CEP112: variants seen among roughly 807,000 people sequenced by gnomAD.
CEP112 encodes centrosomal protein of 112 kDa.
A neutral mutation model predicts 153.0 loss-of-function variants in CEP112; 127 were observed. That is an observed-to-expected ratio of 0.83 (90% confidence interval 0.72 to 0.96). The LOEUF (loss-of-function observed/expected upper bound fraction) is 0.96, where lower values mean the gene tolerates loss of function less well. CEP112 is among the 40% of genes least tolerant of loss of function. CEP112 has a pLI of 0.00. For synonymous variants in CEP112, 358 were observed against 374.4 expected (o/e 0.96, Z 0.51); for missense variants, 1,089 against 1,101.2 (o/e 0.99, Z 0.16).
chr17:66,003,787 T>C (rs1028370280), intron 17 of CEP112, among the ~76,000 whole-genome samples: 6 of 152,084 alleles, frequency 3.9e-5, no homozygotes, highest in Non-Finnish European at 8.8e-5. Context: ...GTGAACCCTA[T>C]TGTGAACTGT....
chr17:65,870,188 C>A (rs897669724), intron 20 of CEP112, among the ~76,000 whole-genome samples: 1 of 152,096 alleles, frequency 6.6e-6, no homozygotes, highest in African/African-American at 2.4e-5. Flanking sequence ...TATGAGTTCA[C>A]ATGAACTGGA....
Position 66,058,553 on chromosome 17 carries a change from A to G in CEP112, c.1074+4410T>C, listed in dbSNP as rs368895223. 6.6e-5 allele frequency among the ~76,000 whole-genome samples: 10 copies of G among 152,086 alleles called. No homozygotes were observed. In the East Asian group the frequency reaches 7.7e-4, roughly 12 times the overall value. ...GAGCCTGAATAGTTAAAGCAATCCT[A>G]AGCAAGAAGAATAAGTCAGGCATGG... is the stretch of plus-strand genomic sequence containing the variant. On this transcript the variant is annotated intron_variant, in intron 11 of 26. Transcript: ENST00000535342.
chr17:66,048,111 T>TAA (rs1568428788), intron 12 of CEP112, among the ~76,000 whole-genome samples: 1 of 151,688 alleles, frequency 6.6e-6, no homozygotes, highest in African/African-American at 2.4e-5. Flanking sequence ...TTTTTTTTTT[T>TAA]ATTTTTTTGA....
At chr17:65,998,066 C>A (rs1368673649) in intron 17 of CEP112, among the ~76,000 whole-genome samples, 2 of 151,966 alleles carry the variant, frequency 1.3e-5, no homozygotes, top group African/African-American at 4.8e-5. Flanking sequence ...CATGAGAGAT[C>A]TTTTTGGGGT....
rs146148790 is a variant in CEP112, at chr17:65,943,573, G to C, written c.1873-15884C>G. Among the ~76,000 whole-genome samples the C allele has an allele frequency of 2.6e-3, 398 of 152,276 alleles. 4 individuals are homozygous for C. Among genetic ancestry groups the C allele is most frequent in the African/African-American group, 8.8e-3 (366 of 41,566 alleles). On this transcript the variant is annotated intron_variant, in intron 18 of 26. Coordinates refer to ENST00000535342, the MANE Select transcript of CEP112 (RefSeq NM_001199165.4). ...CTGGCTTGTAGGGTTTCTGCTGAGA[G>C]GTCTACTGTTAGTCTGATGAGTTTC... is the stretch of plus-strand genomic sequence containing the variant.
In CEP112 at chr17:66,175,145, T is replaced by C. The variant is rs1396041606; in HGVS notation, c.369A>G (p.Val123=). ...GTTCACTTGTCTCCAGCTCACCCAG[T>C]ACCCAGGCTGGTAATCCCTCTGGGC... ...GSSPEGLPAW[V]LGELETSEHK... Residue 123 remains valine (V), a synonymous_variant, in exon 4 of 27, where the codon GTA becomes GTG. Transcript: ENST00000535342. The C allele has an allele frequency of 6.2e-7, 1 of 1,613,472 alleles. No homozygotes were observed. The highest frequency in any genetic ancestry group is 8.5e-7 in the Non-Finnish European group (1 of 1,179,670).
At chr17:66,047,025 T>G (rs1466751548) in intron 12 of CEP112, among the ~76,000 whole-genome samples, 1 of 152,212 alleles carries the variant, frequency 6.6e-6, no homozygotes, top group Non-Finnish European at 1.5e-5. Context: ...CGGTTTGTGG[T>G]CATTTGCCAC....
intron 25 of CEP112, among the ~76,000 whole-genome samples, chr17:65,640,174 G>T (rs1274433491): frequency 0.021 from 762 of 36,384 alleles, 1 homozygote; most frequent in Middle Eastern, 0.028. Flanking sequence ...TTTTTTTTTT[G>T]AGACAGTCTT....
At chr17:65,755,525 T>A (rs1833343) in intron 21 of CEP112, among the ~76,000 whole-genome samples, 81,878 of 151,686 alleles carry the variant, frequency 0.54, 22,828 homozygotes, top group East Asian at 0.78. Context: ...TGACATAGGT[T>A]TTAATAAGGC....
chr17:65,695,925 C>T (rs766795455), intron 23 of CEP112, among the ~76,000 whole-genome samples: 5 of 152,126 alleles, frequency 3.3e-5, no homozygotes, highest in South Asian at 2.1e-4. Context: ...ACTCTAAGTT[C>T]GTACTAGAGA....
intron 19 of CEP112, among the ~76,000 whole-genome samples, chr17:65,926,777 A>G (rs2060942318): frequency 6.6e-6 from 1 of 152,144 alleles, no homozygotes; most frequent in Non-Finnish European, 1.5e-5. Flanking sequence ...TAATTTGTAG[A>G]CTGATGACTC....
chr17:66,000,387 T>A (rs916124235), intron 17 of CEP112, among the ~76,000 whole-genome samples: 2 of 151,598 alleles, frequency 1.3e-5, no homozygotes, highest in African/African-American at 4.8e-5. Context: ...GGTTTTATTG[T>A]ATCATGAGGC....
intron 4 of CEP112, among the ~76,000 whole-genome samples, chr17:66,154,345 T>C (rs990378455): frequency 1.3e-5 from 2 of 150,646 alleles, no homozygotes; most frequent in African/African-American, 4.9e-5. Context: ...TGAAACCCCG[T>C]CTCTACTAAA....
chr17:66,024,909 T>G (rs1297498710), intron 16 of CEP112, among the ~76,000 whole-genome samples: 1 of 152,018 alleles, frequency 6.6e-6, no homozygotes, highest in African/African-American at 2.4e-5. Context: ...TACAAGGTTA[T>G]AGTAACTAAA....
intron 18 of CEP112, among the ~76,000 whole-genome samples, chr17:65,940,312 C>G (rs928566240): frequency 2.0e-5 from 3 of 152,122 alleles, no homozygotes; most frequent in African/African-American, 7.2e-5. Context: ...ATAACCACTA[C>G]AGAAAATGTA....
At chr17:65,702,980 G>C (rs2048716621) in intron 23 of CEP112, among the ~76,000 whole-genome samples, 1 of 152,058 alleles carries the variant, frequency 6.6e-6, no homozygotes, top group Non-Finnish European at 1.5e-5. Flanking sequence ...GTGAGATCTG[G>C]GTGGGGACAC....
intron 4 of CEP112, among the ~76,000 whole-genome samples, chr17:66,136,041 G>A (rs1021155618): frequency 1.3e-5 from 2 of 152,104 alleles, no homozygotes; most frequent in African/African-American, 4.8e-5. Flanking sequence ...CAGATGAGAG[G>A]CTCCTGTACT....
chr17:65,860,314 G>A (rs2058272628), intron 20 of CEP112, among the ~76,000 whole-genome samples: 1 of 152,108 alleles, frequency 6.6e-6, no homozygotes, highest in Admixed American at 6.6e-5. Flanking sequence ...AAATAACTAA[G>A]AGATATATCA....
intron 6 of CEP112, among the ~76,000 whole-genome samples, chr17:66,105,770 G>T (rs1176586342): frequency 6.6e-6 from 1 of 152,050 alleles, no homozygotes; most frequent in Admixed American, 6.6e-5. Context: ...TCCAGCCTGG[G>T]TAACAGAGCC....
Sources: allele counts gnomAD v4.1 joint callset (sites outside exome capture counted in the v4.1 genomes callset), GRCh38; gene constraint gnomAD v4.1.1; transcripts MANE v1.5; gene names NCBI Gene and HGNC (gene_info 2026-07-23, HGNC 2026-07-21).